The following DCDC1 variants were observed in gnomAD, a reference collection of about 807,000 sequenced individuals.
The protein encoded by DCDC1 is doublecortin domain containing 1, also known as doublecortin domain-containing protein 1.
DCDC1 carries 200 observed loss-of-function variants against 178.3 expected under a neutral mutation model. That is an observed-to-expected ratio of 1.12 (90% CI 1.00 to 1.26). The LOEUF (loss-of-function observed/expected upper bound fraction) is 1.26, where lower values mean the gene tolerates loss of function less well. Ranked by LOEUF, DCDC1 falls within the 50% of genes most tolerant of loss-of-function variation. The pLI, the probability that DCDC1 is intolerant of heterozygous loss-of-function variation, is 0.00. For synonymous variants in DCDC1, 690 were observed against 604.8 expected (o/e 1.14, Z -2.07); for missense variants, 1,983 against 1,749.2 (o/e 1.13, Z -2.38).
chr11:30,948,380 C>G (rs1227154562), intron 21 of DCDC1, among the ~76,000 whole-genome samples: 1 of 152,104 alleles, frequency 6.6e-6, no homozygotes, highest in Non-Finnish European at 1.5e-5. Context: ...GAAAAACATT[C>G]CATGCTCATA....
intron 20 of DCDC1, among the ~76,000 whole-genome samples, chr11:31,060,135 T>TAGAG (rs1161299266): frequency 3.3e-5 from 5 of 152,164 alleles, no homozygotes; most frequent in African/African-American, 1.2e-4. Flanking sequence ...ACCAATGCAG[T>TAGAG]AGAGTTTGAA....
Position 30,948,756 on chromosome 11 carries a change from A to G in DCDC1, c.2715+3689T>C, listed in dbSNP as rs557035633. Among the ~76,000 whole-genome samples the G allele has an allele frequency of 8.5e-5, 13 of 152,356 alleles. No individual in the cohort carries two copies. In the East Asian group the frequency reaches 2.1e-3, roughly 25 times the overall value. On this transcript the variant is annotated intron_variant, in intron 21 of 38. Coordinates refer to ENST00000684477, the MANE Select transcript of DCDC1 (RefSeq NM_001387274.1). ...CCTGACAAAAGTAAGCAACAGGGAA[A>G]GGATTCCCTATTTAATAAATGGTGT...
chr11:31,201,063 C>T (rs1196292544), intron 9 of DCDC1, among the ~76,000 whole-genome samples: 1 of 151,958 alleles, frequency 6.6e-6, no homozygotes, highest in African/African-American at 2.4e-5. Flanking sequence ...TCAGTCCACT[C>T]CATTAGACTT....
intron 9 of DCDC1, among the ~76,000 whole-genome samples, chr11:31,171,539 G>A (rs1340185571): frequency 1.3e-5 from 2 of 152,276 alleles, no homozygotes; most frequent in African/African-American, 4.8e-5. Flanking sequence ...CAAACTGATG[G>A]AGAAGTAAAC....
intron 7 of DCDC1, among the ~76,000 whole-genome samples, chr11:31,274,711 T>C (rs1319157927): frequency 6.6e-6 from 1 of 151,242 alleles, no homozygotes; most frequent in Admixed American, 6.6e-5. Flanking sequence ...TTTTTTTTTT[T>C]TTTTTCCGAG....
chr11:31,290,690 T>G lies in DCDC1; in HGVS notation c.917A>C (p.Gln306Pro). ...TCCCACTGTAATCTCATGCCCATCC[T>G]GCCCCATGCCATTCTTAAAGAACAG... The part of the protein sequence containing the change: ...RILFFKNGMG[Q>P]DGHEITVGKE... Residue 306 changes from glutamine to proline, a missense_variant, in exon 7 of 39, where the codon CAG becomes CCG. Gln to Pro is a moderately conservative substitution (Grantham distance 76, BLOSUM62 -1). Coordinates refer to ENST00000684477, the MANE Select transcript of DCDC1 (RefSeq NM_001387274.1). 2 of 1,613,408 alleles carry G rather than the reference T, an allele frequency of 1.2e-6. No individual in the cohort carries two copies. Among genetic ancestry groups the G allele is most frequent in the Non-Finnish European group, 1.7e-6 (2 of 1,179,502 alleles).
At chr11:30,944,110 A>G in intron 21 of DCDC1, 1 of 262,400 alleles carries the variant, frequency 3.8e-6, no homozygotes, top group South Asian at 4.2e-5. Flanking sequence ...ATCTTTCTTC[A>G]CAGTGACTAT....
intron 11 of DCDC1, among the ~76,000 whole-genome samples, chr11:31,118,302 A>T (rs530106082): frequency 8.5e-4 from 130 of 152,296 alleles, no homozygotes; most frequent in Non-Finnish European, 9.8e-4. Context: ...ATCCTGAGAA[A>T]CTAAAAGCTG....
chr11:30,915,641 T>C lies in DCDC1; in HGVS notation c.3523A>G (p.Ile1175Val). 1 of 1,614,004 alleles carries C rather than the reference T, an allele frequency of 6.2e-7. No individual in the cohort carries two copies. The highest frequency in any genetic ancestry group is 8.5e-7 in the Non-Finnish European group (1 of 1,179,870). The change falls in exon 27 of 39, where the codon ATA becomes GTA. Residue 1175 changes from isoleucine (I) to valine (V), a missense_variant. Ile to Val is a conservative substitution (Grantham distance 29). Coordinates refer to ENST00000684477, the MANE Select transcript of DCDC1 (RefSeq NM_001387274.1). The part of the protein sequence containing the change: ...QQFEYRDGQI[I>V]SHAAPQLVLG... ...ACTAGCTGAGGAGCAGCATGGCTTA[T>C]AATCTGCCCATCTCTGTATTCGAAC...
chr11:31,218,396 A>T (rs777025068), intron 9 of DCDC1, among the ~76,000 whole-genome samples: 1 of 152,160 alleles, frequency 6.6e-6, no homozygotes, highest in Non-Finnish European at 1.5e-5. Flanking sequence ...TTTCAAATCC[A>T]ACTTTCTATG....
intron 20 of DCDC1, among the ~76,000 whole-genome samples, chr11:31,032,640 C>A (rs1191874635): frequency 6.6e-6 from 1 of 151,810 alleles, no homozygotes; most frequent in Admixed American, 6.6e-5. Flanking sequence ...GGTAACCATA[C>A]AAATAACAGG....
At position 31,274,582 on chromosome 11, in the gene DCDC1, C is replaced by A. The variant is rs116296076; in HGVS notation, c.961-8982G>T. ...CATGGCAGAGCAAGCAGGATGTATT[C>A]CAGGAATCGAAAGGTCAGCATATGA... On this transcript the variant is annotated intron_variant, in intron 7 of 38. Transcript: ENST00000684477. 5.0e-3 allele frequency among the ~76,000 whole-genome samples: 756 copies of A among 151,956 alleles called. 9 individuals carry two copies. Among genetic ancestry groups the A allele is most frequent in the African/African-American group, 0.017 (720 of 41,444 alleles).
chr11:31,189,322 C>T (rs1969869910), intron 9 of DCDC1, among the ~76,000 whole-genome samples: 1 of 151,986 alleles, frequency 6.6e-6, no homozygotes, highest in South Asian at 2.1e-4. Flanking sequence ...GATAATGTCC[C>T]CTATAGTCTA....
chr11:31,294,631 AGGGAAGGGGAGGGGAGGGAGGGG>A (rs1357821183), intron 6 of DCDC1, among the ~76,000 whole-genome samples: 15 of 994 alleles, frequency 0.015, no homozygotes, highest in South Asian at 0.17. Context: ...GAGGGGAGGG[AGGGAAGGGGAGGGGAGGGAGGGG>A]GGGAAGGGAC....
intron 10 of DCDC1, among the ~76,000 whole-genome samples, chr11:31,128,602 G>C (rs1961982840): frequency 6.6e-6 from 1 of 152,092 alleles, no homozygotes; most frequent in Non-Finnish European, 1.5e-5. Context: ...GACCCATTTA[G>C]AATTATGAGT....
At chr11:31,082,365 T>C (rs186391525) in intron 17 of DCDC1, among the ~76,000 whole-genome samples, 4 of 152,220 alleles carry the variant, frequency 2.6e-5, no homozygotes, top group African/African-American at 9.6e-5. Flanking sequence ...GTAAAGAGAA[T>C]TTTGAAGCAG....
intron 2 of DCDC1, among the ~76,000 whole-genome samples, chr11:31,331,260 A>T (rs1949969849): frequency 6.6e-6 from 1 of 152,214 alleles, no homozygotes; most frequent in Non-Finnish European, 1.5e-5. Flanking sequence ...GAAGTTGCTT[A>T]TCAGCTTAAG....
chr11:31,062,763 A>G (rs1019108897), intron 20 of DCDC1, among the ~76,000 whole-genome samples: 6 of 152,028 alleles, frequency 3.9e-5, no homozygotes, highest in Non-Finnish European at 7.4e-5. Context: ...TTAGTAATAT[A>G]AAATAGCTTT....
At chr11:31,369,069 T>C (rs1336536361) in intron 1 of DCDC1, among the ~76,000 whole-genome samples, 2 of 152,206 alleles carry the variant, frequency 1.3e-5, no homozygotes, top group African/African-American at 2.4e-5. Flanking sequence ...GCTTGAAAGA[T>C]AGCATAGCTG....
Sources: allele counts gnomAD v4.1 joint callset (sites outside exome capture counted in the v4.1 genomes callset), GRCh38; gene constraint gnomAD v4.1.1; transcripts MANE v1.5; gene names NCBI Gene and HGNC (gene_info 2026-07-23, HGNC 2026-07-21).